Variants in CLIC5 observed in about 807,000 individuals in gnomAD.
The protein encoded by CLIC5 is CLIC family member 5, also known as chloride intracellular channel protein 5.
In CLIC5, 20 loss-of-function variants were observed where a neutral mutation model predicts 24.7. The observed-to-expected ratio is 0.81, with a 90% CI of 0.57 to 1.18. The LOEUF (loss-of-function observed/expected upper bound fraction) is 1.18, where lower values mean the gene tolerates loss of function less well. Among genes scored for constraint, CLIC5 ranks in the 50% most tolerant of loss-of-function variants. The pLI is 0.00. For synonymous variants in CLIC5, 159 were observed against 135.6 expected (o/e 1.17, Z -1.20); for missense variants, 341 against 326.1 (o/e 1.05, Z -0.35).
At chr6:46,011,370 G>C (rs1766802808) in intron 1 of CLIC5, among the ~76,000 whole-genome samples, 1 of 152,212 alleles carries the variant, frequency 6.6e-6, no homozygotes, top group African/African-American at 2.4e-5. Context: ...CCTGCTATTG[G>C]ACCTGCCTCT....
chr6:46,112,878 G>A, the CLIC5 span, among the ~76,000 whole-genome samples: 15 of 152,146 alleles, frequency 9.9e-5, no homozygotes, highest in Admixed American at 2.6e-4. Context: ...CCAACATGGT[G>A]AAACCCCATC....
chr6:45,998,230 C>T (rs1392926776), intron 1 of CLIC5, among the ~76,000 whole-genome samples: 1 of 152,180 alleles, frequency 6.6e-6, no homozygotes, highest in Admixed American at 6.5e-5. Flanking sequence ...GCTGTGAGTT[C>T]CCACTAGGGA....
chr6:45,952,589 C>A (rs77302622), intron 2 of CLIC5, among the ~76,000 whole-genome samples: 3,203 of 152,226 alleles, frequency 0.021, 123 homozygotes, highest in African/African-American at 0.074. Flanking sequence ...AGTGTAGTGC[C>A]AGGAAAATAA....
chr6:45,926,781 C>T (rs375689622), intron 4 of CLIC5, among the ~76,000 whole-genome samples: 13 of 152,316 alleles, frequency 8.5e-5, no homozygotes, highest in East Asian at 1.9e-4. Context: ...CCCACTTCAG[C>T]GAAGCCCGCC....
At chr6:46,019,550 G>A (rs1479147886), upstream of CLIC5, among the ~76,000 whole-genome samples, 3 of 150,804 alleles carry the variant, frequency 2.0e-5, no homozygotes, top group Non-Finnish European at 4.4e-5. Flanking sequence ...GCCGGGCGCG[G>A]TGGCGGGCGC....
rs181296240 is a variant in CLIC5, at chr6:45,912,178, T to G, written c.588+2050A>C. On this transcript the variant is annotated intron_variant, in intron 5 of 5. Transcript: ENST00000339561. Reference sequence around the variant, plus strand: ...CCGAAGCCAAACTGGAGGCCTGACTTGGCTTCCCCTTCGCTCTTTGTGAAC... The same window carrying G: ...CCGAAGCCAAACTGGAGGCCTGACTGGGCTTCCCCTTCGCTCTTTGTGAAC... 9.3e-3 allele frequency: 9,158 copies of G among 986,378 alleles called. 48 individuals carry two copies. The highest frequency in any genetic ancestry group is 0.014 in the Admixed American group (222 of 16,442). 61.1% of individuals were successfully genotyped at this position (986,378 alleles called of 1,614,324 possible).
chr6:45,949,343 T>C lies in CLIC5; in HGVS notation c.212A>G (p.His71Arg). ...ADLHNLAPGTHPPFLTFNGDV... is the reference protein window; with the variant it reads ...ADLHNLAPGTRPPFLTFNGDV... ...CCCGTTGAAGGTCAGGAAGGGCGGGTGCGTGCCGGGGGCTAGGTTGTGCAG... is the reference window on the plus strand; with the variant it reads ...CCCGTTGAAGGTCAGGAAGGGCGGGCGCGTGCCGGGGGCTAGGTTGTGCAG... The change falls in exon 3 of 6, where the codon CAC (histidine) becomes CGC (arginine). Residue 71 changes from histidine (H) to arginine (R), a missense_variant. Coordinates refer to ENST00000339561, the MANE Select transcript of CLIC5 (RefSeq NM_016929.5). The C allele has an allele frequency of 6.2e-7, 1 of 1,613,834 alleles. No homozygotes were observed. Among genetic ancestry groups the C allele is most frequent in the East Asian group, 2.2e-5 (1 of 44,862 alleles).
rs911958377 is a variant in CLIC5 at position 45,899,774 on chromosome 6, T to C, written c.*3314A>G. ...AAACTCGCACTTGGTGTGGCCTTTT[T>C]CTGATAAGATCAAGACTTCACTGGC... On this transcript the variant is annotated 3_prime_UTR_variant, in exon 6 of 6. Transcript: ENST00000339561. 2.0e-5 allele frequency: 3 copies of C among 152,326 alleles called. No homozygotes were observed. The highest frequency in any genetic ancestry group is 7.2e-5 in the African/African-American group (3 of 41,560). The allele number at this position is 152,326 out of a possible 1,614,324, so 9.4% of individuals were successfully genotyped here.
At chr6:46,114,353 T>A in the CLIC5 span, among the ~76,000 whole-genome samples, 3 of 152,300 alleles carry the variant, frequency 2.0e-5, no homozygotes. Context: ...ATTTTACCTA[T>A]TGGCAGCACT....
intron 5 of CLIC5, chr6:45,912,039 G>A (rs539613327): frequency 1.0e-6 from 1 of 985,830 alleles, no homozygotes; most frequent in East Asian, 1.1e-4. Context: ...GCAGCAAGGG[G>A]GTAAGGATGC....
Position 45,915,175 on chromosome 6 carries a change from G to A in CLIC5, c.407-766C>T, listed in dbSNP as rs550011466. On this transcript the variant is annotated intron_variant, in intron 4 of 5. Coordinates refer to ENST00000339561, the MANE Select transcript of CLIC5 (RefSeq NM_016929.5). ...GATCTCCTGACCTCATGATCGGCCCGCCTTGGCCTCCCAAAGTGCTGGGAT... is the reference window on the plus strand; with the variant it reads ...GATCTCCTGACCTCATGATCGGCCCACCTTGGCCTCCCAAAGTGCTGGGAT... Among the ~76,000 whole-genome samples, 1,061 of 151,904 alleles carry A rather than the reference G, an allele frequency of 7.0e-3. 10 individuals carry two copies. The highest frequency in any genetic ancestry group is 0.012 in the Non-Finnish European group (848 of 67,968).
intron 1 of CLIC5, among the ~76,000 whole-genome samples, chr6:45,983,786 C>T (rs1765642318): frequency 6.6e-6 from 1 of 152,206 alleles, no homozygotes; most frequent in Admixed American, 6.5e-5. Flanking sequence ...AATATAATGC[C>T]TTTCTCAGAT....
chr6:45,900,227 T>C lies in CLIC5; in HGVS notation c.*2861A>G, dbSNP rs1762475786. On this transcript the variant is annotated 3_prime_UTR_variant, in exon 6 of 6. Coordinates refer to ENST00000339561, the MANE Select transcript of CLIC5 (RefSeq NM_016929.5). ...CTGCTTCCCCCACCCCCAATAGTGC[T>C]GTGCAAGTCAAAGAAGATAAATAAA... The C allele has an allele frequency of 6.6e-6, 1 of 152,178 alleles. No homozygotes were observed. 9.4% of individuals were successfully genotyped at this position (152,178 alleles called of 1,614,324 possible).
At chr6:46,079,902 G>A (rs1394983745) in exon 1 of CLIC5, 23 of 1,551,956 alleles carry the variant, frequency 1.5e-5, no homozygotes, top group Non-Finnish European at 2.0e-5. Flanking sequence ...CTGGTCCTGG[G>A]TTGATGAATA....
chr6:46,071,332 G>A (rs1762589628), intron 1 of CLIC5, among the ~76,000 whole-genome samples: 1 of 152,026 alleles, frequency 6.6e-6, no homozygotes, highest in Non-Finnish European at 1.5e-5. Flanking sequence ...ATCTGACAAA[G>A]ATGTAATATC....
intron 1 of CLIC5, among the ~76,000 whole-genome samples, chr6:46,035,345 T>A (rs892943380): frequency 2.0e-5 from 3 of 152,188 alleles, no homozygotes; most frequent in Non-Finnish European, 4.4e-5. Flanking sequence ...GTAAATAGCT[T>A]TTTGACTAAA....
chr6:46,057,661 T>C (rs958606866), intron 1 of CLIC5, among the ~76,000 whole-genome samples: 3 of 152,196 alleles, frequency 2.0e-5, no homozygotes, highest in African/African-American at 7.2e-5. Context: ...GGGTGCCAAT[T>C]TGATTTCAAG....
chr6:46,104,109 G>A, the CLIC5 span, among the ~76,000 whole-genome samples: 1 of 152,100 alleles, frequency 6.6e-6, no homozygotes, highest in African/African-American at 2.4e-5. Flanking sequence ...TTTTCTGGGT[G>A]TAGCCAAGTA....
chr6:45,903,369 C>A, intron 5 of CLIC5, 114 bp from the exon 6 acceptor site: 1 of 806,600 alleles, frequency 1.2e-6, no homozygotes, highest in Non-Finnish European at 1.8e-6. Context: ...TGCATCACCA[C>A]GGGCCATCAG....
Sources: allele counts gnomAD v4.1 joint callset (sites outside exome capture counted in the v4.1 genomes callset), GRCh38; gene constraint gnomAD v4.1.1; transcripts MANE v1.5; gene names NCBI Gene and HGNC (gene_info 2026-07-23, HGNC 2026-07-21).